Variants in FGF14 observed in about 807,000 individuals in gnomAD.
The protein encoded by FGF14 is fibroblast growth factor 14.
FGF14 carries 5 observed loss-of-function variants against 25.5 expected under a neutral mutation model. The observed-to-expected ratio is 0.20, with a 90% CI of 0.10 to 0.41. FGF14 has a LOEUF of 0.41. Among genes scored for constraint, FGF14 ranks in the 10% least tolerant of loss-of-function variants. The pLI, the probability that FGF14 is intolerant of heterozygous loss-of-function variation, is 1.00. For missense variants in FGF14, 222 were observed against 320.1 expected (o/e 0.69, Z 2.34); for synonymous variants, 138 against 118.3 (o/e 1.17, Z -1.08).
intron 3 of FGF14, among the ~76,000 whole-genome samples, chr13:101,772,204 G>C (rs2038822202): frequency 6.6e-6 from 1 of 151,970 alleles, no homozygotes; most frequent in Admixed American, 6.6e-5. Flanking sequence ...CAAGTTCAAA[G>C]ACAAAAATAA....
chr13:101,792,793 G>T (rs55771602), intron 3 of FGF14, among the ~76,000 whole-genome samples: 6,508 of 152,070 alleles, frequency 0.043, 228 homozygotes, highest in African/African-American at 0.082. Flanking sequence ...TTAGCAAGGG[G>T]CCCTATAGTC....
intron 1 of FGF14, among the ~76,000 whole-genome samples, chr13:102,107,989 A>G (rs1195248653): frequency 6.6e-6 from 1 of 152,242 alleles, no homozygotes; most frequent in Non-Finnish European, 1.5e-5. Context: ...GTTCTAATGA[A>G]TTATGTGAAT....
chr13:101,911,578 T>C (rs1198161992), intron 1 of FGF14, among the ~76,000 whole-genome samples: 1 of 152,086 alleles, frequency 6.6e-6, no homozygotes. Flanking sequence ...AGGAGGAAAA[T>C]GCATAAACAA....
At chr13:102,281,564 CTCT>C (rs2053834021) in intron 1 of FGF14, among the ~76,000 whole-genome samples, 1 of 152,132 alleles carries the variant, frequency 6.6e-6, no homozygotes, top group South Asian at 2.1e-4. Context: ...CAGCAATCTT[CTCT>C]TCATTTCCAT....
intron 1 of FGF14, among the ~76,000 whole-genome samples, chr13:101,948,624 A>G (rs1272961310): frequency 6.6e-6 from 1 of 152,068 alleles, no homozygotes; most frequent in African/African-American, 2.4e-5. Context: ...CCCAACACAT[A>G]AGCTTCCCAA....
intron 1 of FGF14, among the ~76,000 whole-genome samples, chr13:101,897,264 C>A (rs1199753369): frequency 6.6e-6 from 1 of 152,078 alleles, no homozygotes; most frequent in African/African-American, 2.4e-5. Flanking sequence ...GTGAGTTAAG[C>A]AGAATAGATA....
chr13:102,224,801 A>G (rs997665975), intron 1 of FGF14, among the ~76,000 whole-genome samples: 29 of 152,312 alleles, frequency 1.9e-4, no homozygotes, highest in African/African-American at 6.5e-4. Flanking sequence ...AAATACCTTG[A>G]TGAACAATAA....
chr13:101,840,703 C>A (rs2043155126), intron 3 of FGF14, among the ~76,000 whole-genome samples: 4 of 151,934 alleles, frequency 2.6e-5, no homozygotes, highest in Admixed American at 2.0e-4. Flanking sequence ...CAAATTGTTG[C>A]AACACATAGG....
At chr13:101,804,754 A>T (rs981489777) in intron 3 of FGF14, among the ~76,000 whole-genome samples, 1 of 152,182 alleles carries the variant, frequency 6.6e-6, no homozygotes, top group Non-Finnish European at 1.5e-5. Flanking sequence ...CAAAAATGCA[A>T]CTACCATGTA....
At chr13:101,874,699 TAAGA>T (rs2045300074) in intron 2 of FGF14, among the ~76,000 whole-genome samples, 1 of 152,150 alleles carries the variant, frequency 6.6e-6, no homozygotes, top group Admixed American at 6.6e-5. Flanking sequence ...TTTTTTTCTA[TAAGA>T]AAGTTTTTTT....
chr13:101,848,573 G>T (rs115770296), intron 3 of FGF14, among the ~76,000 whole-genome samples: 2 of 151,944 alleles, frequency 1.3e-5, no homozygotes. Context: ...GTAAATCCAG[G>T]AACTATAGGT....
chr13:102,065,839 A>T (rs1054239339), intron 1 of FGF14, among the ~76,000 whole-genome samples: 1 of 152,064 alleles, frequency 6.6e-6, no homozygotes, highest in Admixed American at 6.6e-5. Context: ...TATAAAATAT[A>T]AAAGTCATTT....
intron 3 of FGF14, chr13:101,868,513 T>C: frequency 1.9e-6 from 1 of 524,658 alleles, no homozygotes; most frequent in Non-Finnish European, 3.4e-6. Context: ...GCAAAAGCAC[T>C]ATTTAAGACA....
intron 1 of FGF14, among the ~76,000 whole-genome samples, chr13:102,252,039 C>G (rs1183778566): frequency 6.6e-6 from 1 of 152,170 alleles, no homozygotes; most frequent in Non-Finnish European, 1.5e-5. Flanking sequence ...TTACTGATCC[C>G]AGACACCTGT....
intron 1 of FGF14, among the ~76,000 whole-genome samples, chr13:101,903,410 C>T (rs2031821333): frequency 6.6e-6 from 1 of 152,060 alleles, no homozygotes; most frequent in African/African-American, 2.4e-5. Context: ...AAAAATAATT[C>T]TGTACAGATT....
chr13:101,816,392 G>T (rs531864979), intron 3 of FGF14, among the ~76,000 whole-genome samples: 2 of 152,106 alleles, frequency 1.3e-5, no homozygotes, highest in East Asian at 3.9e-4. Flanking sequence ...CGCCAACATG[G>T]TGAAAGAGAA....
At chr13:102,093,813 TAAA>T (rs141719540) in intron 1 of FGF14, among the ~76,000 whole-genome samples, 3 of 144,108 alleles carry the variant, frequency 2.1e-5, no homozygotes, top group Admixed American at 1.4e-4. Context: ...GATCATTGTT[TAAA>T]AAAAAAAAAA....
intron 3 of FGF14, among the ~76,000 whole-genome samples, chr13:101,787,207 C>T (rs902733631): frequency 6.6e-6 from 1 of 152,120 alleles, no homozygotes; most frequent in Non-Finnish European, 1.5e-5. Context: ...AAGAGTATAT[C>T]ATAAAGCTAA....
At chr13:102,043,407 T>G (rs1406563439) in intron 1 of FGF14, among the ~76,000 whole-genome samples, 1 of 152,012 alleles carries the variant, frequency 6.6e-6, no homozygotes, top group Non-Finnish European at 1.5e-5. Context: ...AAACAACAGG[T>G]TTCATCCAAC....
Sources: gnomAD v4.1 joint callset for allele counts (sites outside exome capture counted in the v4.1 genomes callset) on GRCh38, gnomAD v4.1.1 for gene constraint, MANE v1.5 for transcripts, NCBI Gene and HGNC (gene_info 2026-07-23, HGNC 2026-07-21) for gene names.